Variants in ADIPOR1 observed in about 807,000 individuals in gnomAD.
ADIPOR1 encodes adiponectin receptor protein 1.
In ADIPOR1, 15 loss-of-function variants were observed where a neutral mutation model predicts 37.5. That is an observed-to-expected ratio of 0.40 (90% CI 0.27 to 0.62). ADIPOR1 has a LOEUF of 0.62. Among genes scored for constraint, ADIPOR1 ranks in the 20% least tolerant of loss-of-function variants. The pLI, the probability that ADIPOR1 is intolerant of heterozygous loss-of-function variation, is 0.42. For synonymous variants in ADIPOR1, 173 were observed against 173.2 expected (o/e 1.00, Z 0.01); for missense variants, 286 against 478.0 (o/e 0.60, Z 3.75).
chr1:202,956,640 G>C (rs1654795991), intron 1 of ADIPOR1, among the ~76,000 whole-genome samples: 1 of 152,188 alleles, frequency 6.6e-6, no homozygotes, highest in Non-Finnish European at 1.5e-5. Flanking sequence ...TTTATGACAG[G>C]AGATTGATAG....
At chr1:202,957,992 GCCGGAAATGTTTACAA>G (rs931224258) in intron 1 of ADIPOR1, among the ~76,000 whole-genome samples, 177 bp downstream of exon 1, 6 of 152,178 alleles carry the variant, frequency 3.9e-5, no homozygotes, top group Admixed American at 2.6e-4. Flanking sequence ...AGTGGGAGGG[GCCGGAAATGTTTACAA>G]CCTGACCGGC....
rs1459045174 is a variant in ADIPOR1 at position 202,941,463 on chromosome 1, A to G, written c.*110T>C. The G allele has an allele frequency of 1.1e-5, 15 of 1,381,114 alleles. No homozygotes were observed. The highest frequency in any genetic ancestry group is 1.4e-5 in the Non-Finnish European group (14 of 1,024,596). The allele number at this position is 1,381,114 out of a possible 1,614,324, so 85.6% of individuals were successfully genotyped here. A position where few individuals can be genotyped will look rare whatever the true frequency, so the allele number is the denominator to read the frequency against. ...AGCTTGGTTGGTACTGAATTCTCTA[A>G]GAGGTTTCTTCTAGAAACAGACAAC... On this transcript the variant is annotated 3_prime_UTR_variant, in exon 8 of 8. Transcript: ENST00000340990.
At position 202,944,158 on chromosome 1, in the gene ADIPOR1, C is replaced by T. The variant is rs114193146; in HGVS notation, c.618-213G>A. Reference sequence around the variant, plus strand: ...TACGATGGAAAAATCTCTAAGAATCCCCATTCAAAGAACTCTATCCCTTTC... The same window carrying T: ...TACGATGGAAAAATCTCTAAGAATCTCCATTCAAAGAACTCTATCCCTTTC... On this transcript the variant is annotated intron_variant, in intron 5 of 7. Transcript: ENST00000340990. 2.6e-3 allele frequency: 1,275 copies of T among 494,776 alleles called. 11 individuals are homozygous for T. The highest frequency in any genetic ancestry group is 0.021 in the African/African-American group (1,130 of 52,566). 30.6% of individuals were successfully genotyped at this position (494,776 alleles called of 1,614,324 possible). A position where few individuals can be genotyped will look rare whatever the true frequency, so the allele number is the denominator to read the frequency against.
At position 202,951,172 on chromosome 1, in the gene ADIPOR1, A is replaced by C. The variant is rs2275737; in HGVS notation, c.-94-8T>G. On this transcript the variant is annotated splice_region_variant and splice_polypyrimidine_tract_variant and intron_variant, in intron 1 of 7. Coordinates refer to ENST00000340990, the MANE Select transcript of ADIPOR1 (RefSeq NM_015999.6). The stretch of plus-strand genomic sequence containing the variant: ...TCCCTCTGATGGTAGACACTAAAAG[A>C]AAATACAAACATGAAGGATTGACAA... 0.58 allele frequency: 790,559 copies of C among 1,366,868 alleles called. 231,512 individuals carry two copies. The highest frequency in any genetic ancestry group is 0.82 in the East Asian group (35,369 of 43,202). The allele number at this position is 1,366,868 out of a possible 1,614,324, so 84.7% of individuals were successfully genotyped here.
At chr1:202,956,589 C>A (rs916678263) in intron 1 of ADIPOR1, among the ~76,000 whole-genome samples, 1 of 152,120 alleles carries the variant, frequency 6.6e-6, no homozygotes, top group Non-Finnish European at 1.5e-5. Context: ...AAGAAAAGTG[C>A]AACTTTAGTT....
intron 2 of ADIPOR1, among the ~76,000 whole-genome samples, chr1:202,948,663 A>G (rs910345838): frequency 6.6e-6 from 1 of 152,212 alleles, no homozygotes; most frequent in Non-Finnish European, 1.5e-5. Flanking sequence ...AAGGACTGTC[A>G]CAGAGACTAG....
intron 6 of ADIPOR1, 127 bp from the exon 7 acceptor site, chr1:202,942,345 G>A (rs945806165): frequency 1.2e-6 from 1 of 844,722 alleles, no homozygotes; most frequent in African/African-American, 1.7e-5. Context: ...TACATGTTTA[G>A]GAAACTTAGC....
At chr1:202,953,134 G>A (rs1654643323) in intron 1 of ADIPOR1, among the ~76,000 whole-genome samples, 1 of 151,866 alleles carries the variant, frequency 6.6e-6, no homozygotes, top group Non-Finnish European at 1.5e-5. Flanking sequence ...GTGTGAGAGG[G>A]ACACAAGGAA....
At chr1:202,950,345 A>G (rs1417427884) in intron 2 of ADIPOR1, among the ~76,000 whole-genome samples, 2 of 151,986 alleles carry the variant, frequency 1.3e-5, no homozygotes, top group Non-Finnish European at 2.9e-5. Flanking sequence ...AGGCTGAGGC[A>G]GGAGGATCAC....
rs566939316 is a variant in ADIPOR1, at chr1:202,957,579, T to G, written c.-95+606A>C. Among the ~76,000 whole-genome samples, 452 of 152,228 alleles carry G rather than the reference T, an allele frequency of 3.0e-3. 2 individuals carry two copies. Among genetic ancestry groups the G allele is most frequent in the African/African-American group, 0.01 (433 of 41,538 alleles). On this transcript the variant is annotated intron_variant, in intron 1 of 7. Transcript: ENST00000340990. ...ATACCTAAGGTAATGAAATTTCATT[T>G]TCCCCCAAAGTACCTTCGATTCTGC...
chr1:202,948,304 C>A lies in ADIPOR1; in HGVS notation c.258G>T (p.Lys86Asn). 1 of 1,605,688 alleles carries A rather than the reference C, an allele frequency of 6.2e-7. No individual in the cohort carries two copies. Among genetic ancestry groups the A allele is most frequent in the Non-Finnish European group, 8.5e-7 (1 of 1,175,464 alleles). ...CAGGACAGAAGCTCATAGGCCATAC[C>A]TTGTACACAAACTCTTCCATCTTCT... The part of the protein sequence containing the change: ...AMEKMEEFVY[K>N]VWEGRWRVIP... Residue 86 changes from lysine (K) to asparagine (N), a missense_variant and splice_region_variant, in exon 3 of 8, where the codon AAG (lysine) becomes AAT (asparagine). Coordinates refer to ENST00000340990, the MANE Select transcript of ADIPOR1 (RefSeq NM_015999.6).
At chr1:202,956,777 C>T (rs1280553928) in intron 1 of ADIPOR1, among the ~76,000 whole-genome samples, 3 of 152,138 alleles carry the variant, frequency 2.0e-5, no homozygotes, top group Admixed American at 6.5e-5. Context: ...TGAGGCCAGA[C>T]TTAAAAAACT....
chr1:202,958,363 C>T (rs1404542179), upstream of ADIPOR1: 2 of 152,684 alleles, frequency 1.3e-5, no homozygotes, highest in Non-Finnish European at 2.9e-5. Context: ...CTGCCTGGGC[C>T]CTCCAATCCT....
intron 1 of ADIPOR1, among the ~76,000 whole-genome samples, chr1:202,954,907 A>C (rs1488653198): frequency 6.6e-6 from 1 of 152,162 alleles, no homozygotes; most frequent in East Asian, 1.9e-4. Flanking sequence ...AAAGACACAA[A>C]GTTTCTAAGA....
In ADIPOR1 at chr1:202,950,838, C is replaced by T; in HGVS notation, c.141+92G>A. 3 of 1,537,440 alleles carry T rather than the reference C, an allele frequency of 2.0e-6. No individual in the cohort carries two copies. In the South Asian group the frequency reaches 3.6e-5, roughly 18 times the overall value. On this transcript the variant is annotated intron_variant, in intron 2 of 7. Transcript: ENST00000340990. ...ACATTTCCAGGATGCAATGTTCCTCCTTTTGGACGGTGAGCTCTTAAAAAA... is the reference window on the plus strand; with the variant it reads ...ACATTTCCAGGATGCAATGTTCCTCTTTTTGGACGGTGAGCTCTTAAAAAA...
At chr1:202,952,993 C>T (rs1480968769) in intron 1 of ADIPOR1, among the ~76,000 whole-genome samples, 2 of 152,268 alleles carry the variant, frequency 1.3e-5, no homozygotes, top group East Asian at 1.9e-4. Flanking sequence ...ATGGTGTCAA[C>T]ACATAGACAG....
At position 202,942,140 on chromosome 1, in the gene ADIPOR1, G is replaced by A. The variant is rs757727437; in HGVS notation, c.884C>T (p.Thr295Ile). 1.2e-6 allele frequency: 2 copies of A among 1,614,154 alleles called. No individual in the cohort carries two copies. The highest frequency in any genetic ancestry group is 1.7e-5 in the Admixed American group (1 of 60,016). Residue 295 changes from threonine (T) to isoleucine (I), a missense_variant, in exon 7 of 8, where the codon ACC becomes ATC. By Grantham distance (89) the Thr-to-Ile change is moderately conservative (BLOSUM62 -1). Transcript: ENST00000340990. The part of the protein sequence containing the change: ...FTIAEGFVKA[T>I]TVGQMGWFFL... ...GAACCAGCCCATCTGGCCCACTGTG[G>A]TGGCCTTGACAAAGCCCTCAGCGAT...
intron 2 of ADIPOR1, among the ~76,000 whole-genome samples, chr1:202,950,382 T>G (rs1461969337): frequency 6.6e-6 from 1 of 152,080 alleles, no homozygotes; most frequent in Non-Finnish European, 1.5e-5. Flanking sequence ...AAGATCAGCC[T>G]AGGCAACATG....
chr1:202,949,877 A>G (rs1654496828), intron 2 of ADIPOR1, among the ~76,000 whole-genome samples: 1 of 152,174 alleles, frequency 6.6e-6, no homozygotes, highest in Non-Finnish European at 1.5e-5. Context: ...CTCAGGCTGC[A>G]CTTTCTAACC....
Sources: allele counts gnomAD v4.1 joint callset (sites outside exome capture counted in the v4.1 genomes callset), GRCh38; gene constraint gnomAD v4.1.1; transcripts MANE v1.5; gene names NCBI Gene and HGNC (gene_info 2026-07-23, HGNC 2026-07-21).